CDH18: variants seen among roughly 807,000 people sequenced by gnomAD.
CDH18 encodes the protein cadherin 18.
In CDH18, 31 loss-of-function variants were observed where a neutral mutation model predicts 67.9. That is an observed-to-expected ratio of 0.46 (90% CI 0.34 to 0.62). The LOEUF (loss-of-function observed/expected upper bound fraction) is 0.62. Among genes scored for constraint, CDH18 ranks in the 20% least tolerant of loss-of-function variants. The pLI is 0.01. For missense variants in CDH18, 890 were observed against 975.5 expected (o/e 0.91, Z 1.17); for synonymous variants, 362 against 347.2 (o/e 1.04, Z -0.48).
rs1478588679 is a variant in CDH18 at position 20,351,183 on chromosome 5, T to TGCGC, written c.-579-95679_-579-95678insGCGC. Among the ~76,000 whole-genome samples, 20 of 143,904 alleles carry TGCGC rather than the reference T, an allele frequency of 1.4e-4. 1 individual carries two copies. Among genetic ancestry groups the TGCGC allele is most frequent in the African/African-American group, 4.5e-4 (18 of 40,342 alleles). The allele number at this position is 143,904 out of a possible 152,430, so 94.4% of individuals were successfully genotyped here. On this transcript the variant is annotated intron_variant, in intron 1 of 14. Coordinates refer to the CDH18 transcript ENST00000507958. Reference sequence around the variant, plus strand: ...ATTTGTGTGTGTGTGTGTGTGTGTGTGTGTGTGTGCGTGTGTGTTATTGCT... The same window carrying TGCGC: ...ATTTGTGTGTGTGTGTGTGTGTGTGTGCGCGTGTGTGTGCGTGTGTGTTATTGCT...
intron 2 of CDH18, among the ~76,000 whole-genome samples, chr5:20,105,845 T>C (rs1746884877): frequency 6.6e-6 from 1 of 152,212 alleles, no homozygotes; most frequent in African/African-American, 2.4e-5. Context: ...GTTCCCATCT[T>C]TTGGCTATTG....
At chr5:19,971,163 C>A (rs1797982220) in intron 2 of CDH18, among the ~76,000 whole-genome samples, 1 of 151,688 alleles carries the variant, frequency 6.6e-6, no homozygotes, top group African/African-American at 2.4e-5. Context: ...GTCTACCAGA[C>A]AAAAATAAAG....
At chr5:20,443,718 C>T (rs569699774) in intron 1 of CDH18, among the ~76,000 whole-genome samples, 3 of 151,960 alleles carry the variant, frequency 2.0e-5, no homozygotes, top group South Asian at 2.1e-4. Flanking sequence ...TATACACTTA[C>T]AATACTTGTC....
At chr5:19,636,531 G>A (rs1416267496) in intron 5 of CDH18, among the ~76,000 whole-genome samples, 1 of 151,696 alleles carries the variant, frequency 6.6e-6, no homozygotes, top group East Asian at 1.9e-4. Flanking sequence ...TTTAACTTTT[G>A]ATTGTTTACC....
intron 2 of CDH18, among the ~76,000 whole-genome samples, chr5:20,253,224 C>T (rs1743993728): frequency 6.6e-6 from 1 of 152,148 alleles, no homozygotes; most frequent in Non-Finnish European, 1.5e-5. Context: ...GTACAGAGCA[C>T]TAGCCCTCTG....
chr5:19,772,873 G>A (rs1773882545), intron 3 of CDH18, among the ~76,000 whole-genome samples: 2 of 152,112 alleles, frequency 1.3e-5, no homozygotes, highest in East Asian at 3.8e-4. Context: ...GTACAAAACT[G>A]TAAATACATT....
At chr5:20,148,132 C>T (rs1195321431) in intron 2 of CDH18, among the ~76,000 whole-genome samples, 2 of 151,156 alleles carry the variant, frequency 1.3e-5, no homozygotes, top group Admixed American at 1.3e-4. Context: ...CGCTCTGTCA[C>T]CCAGGATGGA....
chr5:19,506,137 A>G (rs1415986018), intron 10 of CDH18, among the ~76,000 whole-genome samples: 1 of 152,168 alleles, frequency 6.6e-6, no homozygotes, highest in Non-Finnish European at 1.5e-5. Flanking sequence ...GAGCCAAATC[A>G]TGAGTGAACT....
chr5:20,363,518 C>T (rs972496936), intron 1 of CDH18, among the ~76,000 whole-genome samples: 47 of 147,058 alleles, frequency 3.2e-4, no homozygotes, highest in African/African-American at 1.1e-3. Flanking sequence ...GTCTCTGTTA[C>T]GTCCCATATT....
chr5:20,068,022 G>A (rs76245968), intron 2 of CDH18, among the ~76,000 whole-genome samples: 1,752 of 151,902 alleles, frequency 0.012, 39 homozygotes, highest in African/African-American at 0.04. Flanking sequence ...TGTTTATCTC[G>A]TTTACCTTTT....
chr5:20,285,159 C>T (rs1052760833), intron 1 of CDH18, among the ~76,000 whole-genome samples: 1 of 151,316 alleles, frequency 6.6e-6, no homozygotes, highest in African/African-American at 2.4e-5. Flanking sequence ...ACAGATTCCA[C>T]CATAATTAAT....
chr5:19,562,947 T>C (rs1303207394), intron 8 of CDH18, among the ~76,000 whole-genome samples: 2 of 152,134 alleles, frequency 1.3e-5, no homozygotes, highest in Non-Finnish European at 2.9e-5. Flanking sequence ...CATCTTTAAC[T>C]ACAATACGGA....
intron 2 of CDH18, among the ~76,000 whole-genome samples, chr5:20,057,385 T>G (rs1198201870): frequency 1.3e-5 from 2 of 152,184 alleles, no homozygotes; most frequent in Non-Finnish European, 2.9e-5. Context: ...AACCATTTTG[T>G]TATACAATTT....
In CDH18 at chr5:20,493,356, T is replaced by TAAA. The variant is rs148292031; in HGVS notation, c.-580+82103_-580+82105dup. On this transcript the variant is annotated intron_variant, in intron 1 of 14. Coordinates refer to the CDH18 transcript ENST00000507958. Reference sequence around the variant, plus strand: ...AGGGCAAGACTCTGTTTCAGAAAATTAAAAAAAAAAAAAAAAAAAAAAAAA... The same window carrying TAAA: ...AGGGCAAGACTCTGTTTCAGAAAATTAAAAAAAAAAAAAAAAAAAAAAAAAAAA... 7.9e-3 allele frequency among the ~76,000 whole-genome samples: 373 copies of TAAA among 47,176 alleles called. 21 individuals are homozygous for TAAA. Among genetic ancestry groups the TAAA allele is most frequent in the African/African-American group, 0.015 (172 of 11,682 alleles). 30.9% of individuals were successfully genotyped at this position (47,176 alleles called of 152,430 possible).
chr5:20,062,930 A>T (rs75555638), intron 2 of CDH18, among the ~76,000 whole-genome samples: 9,292 of 151,684 alleles, frequency 0.061, 302 homozygotes, highest in East Asian at 0.14. Flanking sequence ...CCTCATTCTA[A>T]ATTTATATTT....
chr5:19,747,808 T>A (rs982748457), intron 3 of CDH18, among the ~76,000 whole-genome samples: 8 of 151,844 alleles, frequency 5.3e-5, no homozygotes, highest in African/African-American at 1.9e-4. Flanking sequence ...TGTAGAATAT[T>A]AAAAAATAGA....
chr5:20,342,112 T>C (rs184972782), intron 1 of CDH18, among the ~76,000 whole-genome samples: 1 of 152,200 alleles, frequency 6.6e-6, no homozygotes, highest in Non-Finnish European at 1.5e-5. Context: ...AAACATAAGA[T>C]TTTATCATAT....
intron 1 of CDH18, among the ~76,000 whole-genome samples, chr5:20,515,452 G>T (rs955747): frequency 0.18 from 26,744 of 151,860 alleles, 2,876 homozygotes; most frequent in East Asian, 0.39. Context: ...TCTCCTAAGT[G>T]CTCTGGTTCC....
chr5:19,826,158 T>C (rs1780384887), intron 3 of CDH18, among the ~76,000 whole-genome samples: 1 of 151,952 alleles, frequency 6.6e-6, no homozygotes, highest in South Asian at 2.1e-4. Flanking sequence ...TTCTCTGAAG[T>C]AACAGGCATG....
Sources: allele counts gnomAD v4.1 joint callset (sites outside exome capture counted in the v4.1 genomes callset), GRCh38; gene constraint gnomAD v4.1.1; transcripts MANE v1.5; gene names NCBI Gene and HGNC (gene_info 2026-07-23, HGNC 2026-07-21).